AGL: variants seen among roughly 807,000 people sequenced by gnomAD.
The protein encoded by AGL is amylo-alpha-1,6-glucosidase and 4-alpha-glucanotransferase.
In AGL, 128 loss-of-function variants were observed where a neutral mutation model predicts 199.3. That is an observed-to-expected ratio of 0.64 (90% CI 0.56 to 0.74). The LOEUF is 0.74. AGL is among the 30% of genes least tolerant of loss of function. The pLI is 0.00. For missense variants in AGL, 1,809 were observed against 1,820.8 expected (o/e 0.99, Z 0.12); for synonymous variants, 584 against 594.7 (o/e 0.98, Z 0.26).
chr1:99,866,813 T>C (rs1167097551), intron 5 of AGL, among the ~76,000 whole-genome samples: 1 of 44,170 alleles, frequency 2.3e-5, no homozygotes, highest in Non-Finnish European at 4.4e-5. Context: ...TATTTATTTA[T>C]TTTATTTATT....
chr1:99,895,504 A>G (rs1018138783), intron 24 of AGL, among the ~76,000 whole-genome samples: 2 of 152,196 alleles, frequency 1.3e-5, no homozygotes, highest in Admixed American at 6.5e-5. Flanking sequence ...TGTTGACTCA[A>G]GTGCTCAAAT....
chr1:99,862,897 TTTTG>T (rs1650176289), intron 4 of AGL, among the ~76,000 whole-genome samples: 1 of 152,114 alleles, frequency 6.6e-6, no homozygotes, highest in South Asian at 2.1e-4. Flanking sequence ...CTATGTTTAA[TTTTG>T]TTTCTTATTA....
chr1:99,920,785 A>G (rs1655463361), intron 33 of AGL, among the ~76,000 whole-genome samples: 1 of 152,194 alleles, frequency 6.6e-6, no homozygotes, highest in Non-Finnish European at 1.5e-5. Context: ...CAACTTAAAA[A>G]TGAAACATTA....
intron 24 of AGL, among the ~76,000 whole-genome samples, chr1:99,893,135 G>A (rs1282404524): frequency 3.9e-5 from 6 of 152,040 alleles, no homozygotes; most frequent in South Asian, 4.1e-4. Flanking sequence ...TAAAGGACAG[G>A]CTTTTGTTTT....
chr1:99,915,914 T>C (rs1369241777), intron 31 of AGL, among the ~76,000 whole-genome samples: 2 of 152,184 alleles, frequency 1.3e-5, no homozygotes, highest in African/African-American at 4.8e-5. Context: ...TAAAGCAATA[T>C]GTATATTCAG....
chr1:99,907,693 G>GTTTTTTCTGTTTTTTT (rs1553191713), intron 27 of AGL, among the ~76,000 whole-genome samples: 1 of 118,944 alleles, frequency 8.4e-6, no homozygotes, highest in Admixed American at 9.2e-5. Flanking sequence ...TTTGTTTTTT[G>GTTTTTTCTGTTTTTTT]TTTTTTTTGC....
In AGL at chr1:99,881,599, T is replaced by A. The variant is rs1652035204; in HGVS notation, c.2216T>A (p.Ile739Asn). 6.2e-7 allele frequency: 1 copy of A among 1,613,988 alleles called. No homozygotes were observed. The highest frequency in any genetic ancestry group is 1.3e-5 in the African/African-American group (1 of 74,918). Residue 739 changes from isoleucine (I) to asparagine (N), a missense_variant, in exon 17 of 34, where the codon ATC becomes AAC. Coordinates refer to ENST00000361915, the MANE Select transcript of AGL (RefSeq NM_000642.3). ...IVAVTRHSPS[I>N]HQSVVAVSRT... ...GCAGTAACAAGACACTCACCTAGCA[T>A]CCATCAGTCTGTTGTGGCTGTATCT...
chr1:99,884,183 A>G lies in AGL; in HGVS notation c.2372A>G (p.Lys791Arg), dbSNP rs1557766791. 2.5e-6 allele frequency: 4 copies of G among 1,613,024 alleles called. No homozygotes were observed. Among genetic ancestry groups the G allele is most frequent in the Non-Finnish European group, 3.4e-6 (4 of 1,179,168 alleles). Residue 791 changes from lysine (K) to arginine (R), a missense_variant, in exon 18 of 34, where the codon AAG becomes AGG. Coordinates refer to ENST00000361915, the MANE Select transcript of AGL (RefSeq NM_000642.3). ...GAGAGAAACACGAAACCTTATAGGA[A>G]GGATGAGAATTCAATCAATGGAACA... ...TIERNTKPYRKDENSINGTPD... is the reference protein window; with the variant it reads ...TIERNTKPYRRDENSINGTPD...
chr1:99,856,294 C>CCCTT (rs1557741271), intron 2 of AGL, among the ~76,000 whole-genome samples: 1 of 127,918 alleles, frequency 7.8e-6, no homozygotes, highest in Admixed American at 8.6e-5. Flanking sequence ...AATATAACAT[C>CCCTT]CCTTCCTTCC....
intron 2 of AGL, among the ~76,000 whole-genome samples, chr1:99,856,342 CCCTCCCTCCCTCCCTCCCTCCCTT>C (rs1649440352): frequency 5.6e-5 from 5 of 88,976 alleles, no homozygotes; most frequent in Non-Finnish European, 7.7e-5. Context: ...CTCCCTCCCT[CCCTCCCTCCCTCCCTCCCTCCCTT>C]CCTTCCTCCC....
At chr1:99,916,002 A>G (rs1160845399) in intron 31 of AGL, among the ~76,000 whole-genome samples, 4 of 152,176 alleles carry the variant, frequency 2.6e-5, no homozygotes, top group African/African-American at 4.8e-5. Flanking sequence ...TCACCTTTCC[A>G]ATCTATAATT....
chr1:99,849,874 T>G (rs1050052631), upstream of AGL, among the ~76,000 whole-genome samples: 28 of 152,310 alleles, frequency 1.8e-4, no homozygotes, highest in African/African-American at 6.0e-4. Context: ...TCGCAGCCGG[T>G]ACCGCGGGAT....
chr1:99,910,024 A>C (rs12039154), intron 27 of AGL, among the ~76,000 whole-genome samples: 1 of 151,996 alleles, frequency 6.6e-6, no homozygotes, highest in Non-Finnish European at 1.5e-5. Context: ...AAACTTTTAC[A>C]AAAAAGTTAT....
At chr1:99,851,153 A>G (rs1648920748) in intron 2 of AGL, 29 bp downstream of exon 2, 1 of 1,571,950 alleles carries the variant, frequency 6.4e-7, no homozygotes, top group Non-Finnish European at 8.8e-7. Context: ...TGATTTGCTC[A>G]TTTGCGTCTT....
chr1:99,890,523 A>T (rs1299737414), intron 21 of AGL, among the ~76,000 whole-genome samples: 1 of 152,132 alleles, frequency 6.6e-6, no homozygotes, highest in Non-Finnish European at 1.5e-5. Context: ...TTCTAAATAG[A>T]TAAATAAATT....
chr1:99,915,459 C>G lies in AGL; in HGVS notation c.4232C>G (p.Pro1411Arg). The change falls in exon 31 of 34, where the codon CCC becomes CGC. Residue 1411 changes from proline to arginine, a missense_variant. Transcript: ENST00000361915. Reference protein sequence around the residue: ...LEIAEKKLLGPLGMKTLDPDD... With the variant: ...LEIAEKKLLGRLGMKTLDPDD... ...ATTGCAGAAAAAAAATTGCTTGGTCCCCTTGGCATGAAAACTTTAGATCCA... is the reference window on the plus strand; with the variant it reads ...ATTGCAGAAAAAAAATTGCTTGGTCGCCTTGGCATGAAAACTTTAGATCCA... 1 of 1,613,236 alleles carries G rather than the reference C, an allele frequency of 6.2e-7. No individual in the cohort carries two copies. Among genetic ancestry groups the G allele is most frequent in the Non-Finnish European group, 8.5e-7 (1 of 1,179,468 alleles).
chr1:99,902,856 T>A, intron 27 of AGL, 62 bp downstream of exon 27: 1 of 1,245,614 alleles, frequency 8.0e-7, no homozygotes, highest in Admixed American at 1.9e-5. Context: ...ACCTTGCAAT[T>A]GTTCACTTAG....
At chr1:99,849,535 G>A (rs1214324956), upstream of AGL, among the ~76,000 whole-genome samples, 1 of 151,968 alleles carries the variant, frequency 6.6e-6, no homozygotes, top group Non-Finnish European at 1.5e-5. Flanking sequence ...AGGTACACCC[G>A]GACACCGTTA....
intron 2 of AGL, among the ~76,000 whole-genome samples, chr1:99,852,351 C>CTTTTTTTTTTTTTT (rs11363065): frequency 1.9e-4 from 19 of 97,558 alleles, no homozygotes; most frequent in East Asian, 6.0e-4. Context: ...GCATTCATTT[C>CTTTTTTTTTTTTTT]TTTTTTTTTT....
Sources: gnomAD v4.1 joint callset for allele counts (sites outside exome capture counted in the v4.1 genomes callset) on GRCh38, gnomAD v4.1.1 for gene constraint, MANE v1.5 for transcripts, NCBI Gene and HGNC (gene_info 2026-07-23, HGNC 2026-07-21) for gene names.